Variants in COL19A1 observed in about 807,000 individuals in gnomAD.
COL19A1 encodes the protein collagen type XIX alpha 1 chain.
A neutral mutation model predicts 190.2 loss-of-function variants in COL19A1; 159 were observed. That is an observed-to-expected ratio of 0.84 (90% CI 0.73 to 0.95). The LOEUF is 0.95. COL19A1 is among the 40% of genes least tolerant of loss of function. COL19A1 has a pLI of 0.00. For synonymous variants in COL19A1, 509 were observed against 458.9 expected (o/e 1.11, Z -1.39); for missense variants, 1,418 against 1,431.9 (o/e 0.99, Z 0.16).
At chr6:70,034,414 G>C in intron 13 of COL19A1, 116 bp downstream of exon 13, 1 of 762,222 alleles carries the variant, frequency 1.3e-6, no homozygotes, top group Non-Finnish European at 2.3e-6. Context: ...TTAACCAAAA[G>C]CTGTTACCTT....
intron 9 of COL19A1, among the ~76,000 whole-genome samples, chr6:69,957,208 A>G (rs1431305969): frequency 6.6e-6 from 1 of 152,130 alleles, no homozygotes. Context: ...TTTATAGTTT[A>G]TGACCAGCTA....
chr6:70,056,048 A>G lies in COL19A1; in HGVS notation c.1171-12375A>G, dbSNP rs1242951900. Among the ~76,000 whole-genome samples, 3 of 152,068 alleles carry G rather than the reference A, an allele frequency of 2.0e-5. No individual in the cohort carries two copies. The East Asian group carries it at 5.8e-4, about 29-fold the overall frequency. On this transcript the variant is annotated intron_variant, in intron 14 of 50. Coordinates refer to ENST00000620364, the MANE Select transcript of COL19A1 (RefSeq NM_001858.6). Reference sequence around the variant, plus strand: ...GGGAGCTTTCTAAGCCATCTGCAGAATTCCCATTCTGTGACTACCTTTATT... The same window carrying G: ...GGGAGCTTTCTAAGCCATCTGCAGAGTTCCCATTCTGTGACTACCTTTATT...
rs777506935 is a variant in COL19A1, at chr6:69,936,830, A to G, written c.793A>G (p.Thr265Ala). The G allele has an allele frequency of 1.9e-6, 3 of 1,613,050 alleles. No individual in the cohort carries two copies. Among genetic ancestry groups the G allele is most frequent in the African/African-American group, 2.7e-5 (2 of 74,860 alleles). The change falls in exon 8 of 51, where the codon ACT becomes GCT. Residue 265 changes from threonine to alanine, a missense_variant. Thr to Ala is a moderately conservative substitution (Grantham distance 58). Coordinates refer to ENST00000620364, the MANE Select transcript of COL19A1 (RefSeq NM_001858.6). ...TGGAAATATTGCATCATCATGGGTAACTGCTCATGCCAGTAAAATGTCTTC... is the reference window on the plus strand; with the variant it reads ...TGGAAATATTGCATCATCATGGGTAGCTGCTCATGCCAGTAAAATGTCTTC... The part of the protein sequence containing the change: ...GFGNIASSWV[T>A]AHASKMSSYL...
Position 70,209,446 on chromosome 6 carries a change from T to C in COL19A1, c.*2172T>C, listed in dbSNP as rs753797892. ...TTTGGTTTTTGAGTTGTTCTTGTCATAGACATAAAAAGACAATTCATTTTC... is the reference window on the plus strand; with the variant it reads ...TTTGGTTTTTGAGTTGTTCTTGTCACAGACATAAAAAGACAATTCATTTTC... On this transcript the variant is annotated 3_prime_UTR_variant, in exon 51 of 51. Coordinates refer to ENST00000620364, the MANE Select transcript of COL19A1 (RefSeq NM_001858.6). 6.6e-6 allele frequency: 1 copy of C among 152,198 alleles called. No homozygotes were observed. The highest frequency in any genetic ancestry group is 2.4e-5 in the African/African-American group (1 of 41,444). 9.4% of individuals were successfully genotyped at this position (152,198 alleles called of 1,614,324 possible). A position where few individuals can be genotyped will look rare whatever the true frequency, so the allele number is the denominator to read the frequency against.
Position 69,937,940 on chromosome 6 carries a change from G to A in COL19A1, c.874-98G>A, listed in dbSNP as rs1230492313. ...AAGCATCAGCTCAGAGGAGAACAAA[G>A]CGTTATCTTGCTAGTGCCAGCTTCA... On this transcript the variant is annotated intron_variant, in intron 8 of 50. Transcript: ENST00000620364. 7.0e-6 allele frequency: 8 copies of A among 1,137,754 alleles called. No individual in the cohort carries two copies. In the Middle Eastern group the frequency reaches 7.9e-4, roughly 112 times the overall value. 70.5% of individuals were successfully genotyped at this position (1,137,754 alleles called of 1,614,324 possible). A position where few individuals can be genotyped will look rare whatever the true frequency, so the allele number is the denominator to read the frequency against.
At chr6:70,130,959 T>A (rs1785485873) in intron 18 of COL19A1, 1 of 317,300 alleles carries the variant, frequency 3.2e-6, no homozygotes, top group African/African-American at 2.2e-5. Context: ...GGTTTTATAC[T>A]GTCCAGTAGT....
chr6:70,119,993 A>C (rs1304638662), intron 16 of COL19A1, among the ~76,000 whole-genome samples: 2 of 152,200 alleles, frequency 1.3e-5, no homozygotes, highest in African/African-American at 4.8e-5. Context: ...CAGGAGACTA[A>C]GGCACAAGAA....
intron 40 of COL19A1, 115 bp downstream of exon 40, chr6:70,168,796 G>T (rs1765324761): frequency 1.9e-6 from 2 of 1,071,510 alleles, no homozygotes; most frequent in African/African-American, 1.6e-5. Flanking sequence ...TTAACATGCT[G>T]GTGGTGACAA....
At chr6:69,944,887 C>T (rs1773700611) in intron 9 of COL19A1, among the ~76,000 whole-genome samples, 1 of 151,948 alleles carries the variant, frequency 6.6e-6, no homozygotes, top group South Asian at 2.1e-4. Context: ...CTCTGTATAA[C>T]ATTATTTGAA....
Position 69,933,126 on chromosome 6 carries a change from A to G in COL19A1, c.747+263A>G, listed in dbSNP as rs2273428. Among the ~76,000 whole-genome samples, 43,834 of 151,948 alleles carry G rather than the reference A, an allele frequency of 0.29. 7,809 individuals are homozygous for G. Among genetic ancestry groups the G allele is most frequent in the Non-Finnish European group, 0.39 (26,303 of 67,870 alleles). ...AACTTAAAGTTATGCCTTTCTTCCT[A>G]AACTATGTTCTGACAGCAGCATCAT... On this transcript the variant is annotated intron_variant, in intron 7 of 50. Coordinates refer to ENST00000620364, the MANE Select transcript of COL19A1 (RefSeq NM_001858.6).
chr6:70,156,060 C>A, intron 31 of COL19A1, 67 bp from the exon 32 acceptor site: 2 of 1,424,120 alleles, frequency 1.4e-6, no homozygotes, highest in Non-Finnish European at 1.9e-6. Context: ...CTTCACATCA[C>A]ATGAAACCTC....
intron 2 of COL19A1, among the ~76,000 whole-genome samples, chr6:69,891,804 A>AG (rs1410992814): frequency 2.0e-5 from 3 of 152,202 alleles, no homozygotes; most frequent in African/African-American, 7.2e-5. Flanking sequence ...ACAGGAAGCT[A>AG]GGGGTTGGCT....
intron 48 of COL19A1, among the ~76,000 whole-genome samples, chr6:70,194,136 G>A (rs1341309063): frequency 6.6e-6 from 1 of 152,228 alleles, no homozygotes; most frequent in Non-Finnish European, 1.5e-5. Context: ...AGCCTCGAGA[G>A]CCATTGTCTC....
At chr6:69,934,016 T>C (rs956956961) in intron 7 of COL19A1, among the ~76,000 whole-genome samples, 2 of 152,050 alleles carry the variant, frequency 1.3e-5, no homozygotes, top group African/African-American at 4.8e-5. Context: ...TAGAAAATTA[T>C]ATGAAAATTT....
At chr6:70,056,503 A>C (rs933631758) in intron 14 of COL19A1, among the ~76,000 whole-genome samples, 1 of 152,122 alleles carries the variant, frequency 6.6e-6, no homozygotes, top group Admixed American at 6.6e-5. Flanking sequence ...GTAGAACTAC[A>C]CTTACCTCTC....
chr6:70,085,382 C>G (rs1782516489), intron 15 of COL19A1, among the ~76,000 whole-genome samples: 1 of 152,164 alleles, frequency 6.6e-6, no homozygotes. Context: ...AGTCATTAAG[C>G]CAGTTAGCAC....
intron 15 of COL19A1, among the ~76,000 whole-genome samples, chr6:70,101,348 A>G (rs928833792): frequency 1.3e-5 from 2 of 152,168 alleles, no homozygotes; most frequent in Non-Finnish European, 2.9e-5. Context: ...AAAATGTTTA[A>G]GAAAATAATT....
chr6:70,171,368 A>G (rs761291808), intron 40 of COL19A1, among the ~76,000 whole-genome samples: 5 of 152,112 alleles, frequency 3.3e-5, no homozygotes, highest in Non-Finnish European at 7.4e-5. Flanking sequence ...GGGACCATAC[A>G]CTAGAAAATG....
At chr6:69,996,169 A>T (rs896444536) in intron 11 of COL19A1, among the ~76,000 whole-genome samples, 2 of 152,174 alleles carry the variant, frequency 1.3e-5, no homozygotes, top group Admixed American at 1.3e-4. Context: ...CTCAGTATTG[A>T]CACAATACTA....
Sources: allele counts gnomAD v4.1 joint callset (sites outside exome capture counted in the v4.1 genomes callset), GRCh38; gene constraint gnomAD v4.1.1; transcripts MANE v1.5; gene names NCBI Gene and HGNC (gene_info 2026-07-23, HGNC 2026-07-21).